The following IGFL2 variants were observed in gnomAD, a reference collection of about 807,000 sequenced individuals.
The protein encoded by IGFL2 is IGF like family member 2, also known as insulin growth factor-like family member 2.
A neutral mutation model predicts 13.9 loss-of-function variants in IGFL2; 7 were observed. The ratio of observed to expected loss-of-function variants is 0.51; its 90% CI spans 0.29 to 0.95. The LOEUF is 0.95. IGFL2 is among the 40% of genes least tolerant of loss of function. The probability of loss-of-function intolerance (pLI) is 0.08; values close to 1 mark genes in which losing one functional copy is unlikely to be tolerated. For synonymous variants in IGFL2, 55 were observed against 55.8 expected (o/e 0.99, Z 0.07); for missense variants, 138 against 147.8 (o/e 0.93, Z 0.34).
the IGFL2 span, chr19:46,123,772 C>T: frequency 1.6e-6 from 2 of 1,223,560 alleles, no homozygotes; most frequent in Admixed American, 2.3e-5. Context: ...CCTGCTGCCA[C>T]CAGCCTGACT....
At chr19:46,147,455 C>T (rs577778135), upstream of IGFL2, among the ~76,000 whole-genome samples, 10 of 152,324 alleles carry the variant, frequency 6.6e-5, no homozygotes, top group South Asian at 1.9e-3. Context: ...TATCAGCTTG[C>T]CTGACTGCCT....
chr19:46,163,799 G>A (rs961127757), downstream of IGFL2: 1 of 152,354 alleles, frequency 6.6e-6, no homozygotes, highest in Non-Finnish European at 1.5e-5. Context: ...CTTTTCTGTA[G>A]GGCTGCTGTG....
the IGFL2 span, among the ~76,000 whole-genome samples, chr19:46,179,312 AG>A: frequency 9.1e-6 from 1 of 110,448 alleles, no homozygotes; most frequent in Non-Finnish European, 1.8e-5. Context: ...AGGGCTGCAG[AG>A]GTGCAGGTGT....
At chr19:46,094,556 T>C in the IGFL2 span, among the ~76,000 whole-genome samples, 2,021 of 152,172 alleles carry the variant, frequency 0.013, 31 homozygotes, top group Middle Eastern at 0.027. Flanking sequence ...CTGGGATACA[T>C]GTTCAGGACA....
At chr19:46,139,473 G>A (rs989658185), upstream of IGFL2, among the ~76,000 whole-genome samples, 3 of 151,964 alleles carry the variant, frequency 2.0e-5, no homozygotes, top group Admixed American at 2.0e-4. Flanking sequence ...TTAAAAATTA[G>A]TATGTAGAAA....
the IGFL2 span, among the ~76,000 whole-genome samples, chr19:46,177,205 G>A: frequency 6.6e-6 from 1 of 152,004 alleles, no homozygotes; most frequent in Non-Finnish European, 1.5e-5. Context: ...GACCAGCCTG[G>A]CCAACATGGT....
At chr19:46,160,980 C>T in intron 3 of IGFL2, 90 bp from the exon 4 acceptor site, 1 of 1,538,066 alleles carries the variant, frequency 6.5e-7, no homozygotes, top group South Asian at 1.1e-5. Flanking sequence ...GAGCCCTGGC[C>T]CTGTAGTCTA....
chr19:46,199,237 A>T, the IGFL2 span, among the ~76,000 whole-genome samples: 1 of 152,202 alleles, frequency 6.6e-6, no homozygotes, highest in East Asian at 1.9e-4. Flanking sequence ...CTTGGATTAG[A>T]AAGTGAGATG....
At chr19:46,197,743 G>A in the IGFL2 span, among the ~76,000 whole-genome samples, 1 of 152,098 alleles carries the variant, frequency 6.6e-6, no homozygotes, top group South Asian at 2.1e-4. Flanking sequence ...TGTTGTTCAG[G>A]CTGGTCTTAA....
the IGFL2 span, among the ~76,000 whole-genome samples, chr19:46,112,669 GA>G: frequency 6.6e-6 from 1 of 152,228 alleles, no homozygotes; most frequent in African/African-American, 2.4e-5. Flanking sequence ...ATATGTTAGA[GA>G]ATAGATTTTC....
the IGFL2 span, among the ~76,000 whole-genome samples, chr19:46,170,736 C>T: frequency 1.3e-5 from 2 of 152,152 alleles, no homozygotes; most frequent in Admixed American, 1.3e-4. Flanking sequence ...TATGCAGTTG[C>T]AGATAAGGGA....
chr19:46,091,972 A>G, the IGFL2 span, among the ~76,000 whole-genome samples: 1 of 152,240 alleles, frequency 6.6e-6, no homozygotes, highest in South Asian at 2.1e-4. Flanking sequence ...AAGTGTATAT[A>G]CCATAATCAA....
chr19:46,114,617 C>T, the IGFL2 span, among the ~76,000 whole-genome samples: 12 of 152,218 alleles, frequency 7.9e-5, no homozygotes, highest in East Asian at 7.7e-4. Flanking sequence ...ATTCTTTTCT[C>T]GTGATAGTGA....
the IGFL2 span, chr19:46,124,411 GGT>G: frequency 7.1e-7 from 1 of 1,405,254 alleles, no homozygotes; most frequent in African/African-American, 1.5e-5. Context: ...AGGTTAGGGT[GGT>G]TTAAAGGTGG....
the IGFL2 span, among the ~76,000 whole-genome samples, chr19:46,180,845 G>A: frequency 4.0e-3 from 604 of 152,316 alleles, 4 homozygotes; most frequent in African/African-American, 0.012. Flanking sequence ...CAGCACAGAA[G>A]AAAGATGAAG....
chr19:46,135,223 A>ACAGGCTTTATTTTAATTTT, the IGFL2 span, among the ~76,000 whole-genome samples: 1 of 152,194 alleles, frequency 6.6e-6, no homozygotes, highest in African/African-American at 2.4e-5. Context: ...TAATGAATCT[A>ACAGGCTTTATTTTAATTTT]CAGGCTTTAT....
the IGFL2 span, among the ~76,000 whole-genome samples, chr19:46,098,805 A>G: frequency 0.013 from 2,021 of 152,196 alleles, 31 homozygotes; most frequent in Middle Eastern, 0.027. Flanking sequence ...TTTTAATTGG[A>G]GCATTTAGCC....
At chr19:46,124,043 C>T in the IGFL2 span, 2 of 1,611,488 alleles carry the variant, frequency 1.2e-6, no homozygotes, top group Non-Finnish European at 1.7e-6. Flanking sequence ...CGGCGGGTCT[C>T]CTTTAAGGAT....
At chr19:46,183,063 TCA>T in the IGFL2 span, among the ~76,000 whole-genome samples, 8 of 152,182 alleles carry the variant, frequency 5.3e-5, no homozygotes, top group African/African-American at 4.8e-5. Flanking sequence ...ATTAATTGAC[TCA>T]CAGTTCCATG....
Sources: gnomAD v4.1 joint callset for allele counts (sites outside exome capture counted in the v4.1 genomes callset) on GRCh38, gnomAD v4.1.1 for gene constraint, MANE v1.5 for transcripts, NCBI Gene and HGNC (gene_info 2026-07-23, HGNC 2026-07-21) for gene names.